The following AP1S3 variants were observed in gnomAD, a reference collection of about 807,000 sequenced individuals.
AP1S3 encodes the protein AP-1 complex subunit sigma-3.
A neutral mutation model predicts 20.9 loss-of-function variants in AP1S3; 10 were observed. The observed-to-expected ratio is 0.48, with a 90% CI of 0.29 to 0.81. The LOEUF is 0.81. Among genes scored for constraint, AP1S3 ranks in the 30% least tolerant of loss-of-function variants. AP1S3 has a pLI of 0.08. For synonymous variants in AP1S3, 41 were observed against 61.5 expected (o/e 0.67, Z 1.56); for missense variants, 154 against 183.8 (o/e 0.84, Z 0.94).
chr2:223,777,656 A>T, intron 2 of AP1S3, 35 bp downstream of exon 2: 6 of 1,588,808 alleles, frequency 3.8e-6, no homozygotes, highest in Non-Finnish European at 5.1e-6. Context: ...CCAAAGTAAG[A>T]CTGAGAAATT....
chr2:223,777,918 G>A (rs935517707), intron 1 of AP1S3, 49 bp from the exon 2 acceptor site: 1 of 1,523,488 alleles, frequency 6.6e-7, no homozygotes, highest in Admixed American at 1.9e-5. Context: ...AAGTCACTCT[G>A]CCGTTCTGCA....
At chr2:223,791,433 C>G (rs1691215283) in intron 1 of AP1S3, among the ~76,000 whole-genome samples, 1 of 152,058 alleles carries the variant, frequency 6.6e-6, no homozygotes, top group Non-Finnish European at 1.5e-5. Context: ...AGACAAAAAC[C>G]ACATGATTAT....
intron 1 of AP1S3, among the ~76,000 whole-genome samples, chr2:223,834,826 CCAATAA>C (rs1388482853): frequency 6.6e-6 from 1 of 151,648 alleles, no homozygotes; most frequent in Non-Finnish European, 1.5e-5. Context: ...ATTTTTATGA[CCAATAA>C]CAATATTTTT....
intron 1 of AP1S3, among the ~76,000 whole-genome samples, chr2:223,809,055 A>G (rs987495676): frequency 3.3e-5 from 5 of 152,234 alleles, no homozygotes; most frequent in Admixed American, 6.5e-5. Context: ...TAAGAACATT[A>G]TAACAATTTC....
At chr2:223,765,451 C>A in intron 3 of AP1S3, 101 bp from the exon 4 acceptor site, 12 of 1,251,678 alleles carry the variant, frequency 9.6e-6, no homozygotes, top group South Asian at 5.1e-5. Context: ...ATGTGGCGTA[C>A]CAAAAATAAA....
chr2:223,783,765 T>C (rs1223147593), intron 1 of AP1S3, among the ~76,000 whole-genome samples: 1 of 152,200 alleles, frequency 6.6e-6, no homozygotes, highest in African/African-American at 2.4e-5. Flanking sequence ...GTCCCCAGTA[T>C]TGTCACATTC....
intron 1 of AP1S3, among the ~76,000 whole-genome samples, chr2:223,808,043 CCA>C: frequency 6.6e-6 from 1 of 151,892 alleles, no homozygotes; most frequent in Non-Finnish European, 1.5e-5. Context: ...GCACAGATCA[CCA>C]CGCCCAGCTA....
At chr2:223,827,726 G>GAA (rs573357588) in intron 1 of AP1S3, among the ~76,000 whole-genome samples, 1 of 146,018 alleles carries the variant, frequency 6.8e-6, no homozygotes, top group Non-Finnish European at 1.5e-5. Context: ...TTTCTCAGAG[G>GAA]AAAAAAAAAA....
intron 1 of AP1S3, among the ~76,000 whole-genome samples, chr2:223,835,870 A>G (rs180972746): frequency 6.6e-6 from 1 of 152,264 alleles, no homozygotes; most frequent in East Asian, 1.9e-4. Context: ...TGACTCAGAA[A>G]CGCAGGGCCT....
At chr2:223,759,955 T>C (rs1400831767) in intron 4 of AP1S3, among the ~76,000 whole-genome samples, 1 of 152,186 alleles carries the variant, frequency 6.6e-6, no homozygotes, top group Non-Finnish European at 1.5e-5. Context: ...GATCTCATTC[T>C]TTTCATACTG....
At chr2:223,815,417 G>GC (rs146527706) in intron 1 of AP1S3, among the ~76,000 whole-genome samples, 48,965 of 151,982 alleles carry the variant, frequency 0.32, 8,312 homozygotes, top group Middle Eastern at 0.43. Context: ...ATTCCAGTCA[G>GC]CCCTAAGTAA....
At chr2:223,802,293 T>C (rs1418315303) in intron 1 of AP1S3, among the ~76,000 whole-genome samples, 1 of 145,478 alleles carries the variant, frequency 6.9e-6, no homozygotes, top group African/African-American at 2.6e-5. Flanking sequence ...TAAGAAAGCA[T>C]CCAGTTTTAT....
intron 1 of AP1S3, among the ~76,000 whole-genome samples, chr2:223,811,342 C>T (rs1288382524): frequency 6.6e-6 from 1 of 152,046 alleles, no homozygotes; most frequent in Non-Finnish European, 1.5e-5. Flanking sequence ...CTGAGGTGGG[C>T]AGATCACCTG....
intron 3 of AP1S3, among the ~76,000 whole-genome samples, chr2:223,774,259 G>A (rs180822484): frequency 0.012 from 1,872 of 152,218 alleles, 10 homozygotes; most frequent in South Asian, 0.037. Flanking sequence ...TAGCTACTCA[G>A]GAGGCTGAGG....
chr2:223,795,581 GC>G (rs1306361483), intron 1 of AP1S3, among the ~76,000 whole-genome samples: 1 of 109,960 alleles, frequency 9.1e-6, no homozygotes, highest in African/African-American at 4.3e-5. Context: ...TTATCACTAG[GC>G]CAGGCAGAAG....
At chr2:223,790,049 C>T (rs1261640939) in intron 1 of AP1S3, among the ~76,000 whole-genome samples, 1 of 152,036 alleles carries the variant, frequency 6.6e-6, no homozygotes, top group Non-Finnish European at 1.5e-5. Flanking sequence ...AACTTCAGAA[C>T]AACCAGGACA....
At position 223,815,867 on chromosome 2, in the gene AP1S3, C is replaced by T. The variant is rs1562300; in HGVS notation, c.3+21581G>A. Among the ~76,000 whole-genome samples, 1,070 of 152,226 alleles carry T rather than the reference C, an allele frequency of 7.0e-3. 12 individuals carry two copies. Among genetic ancestry groups the T allele is most frequent in the African/African-American group, 0.025 (1,033 of 41,538 alleles). On this transcript the variant is annotated intron_variant, in intron 1 of 4. Coordinates refer to ENST00000396654, the MANE Select transcript of AP1S3 (RefSeq NM_001039569.2). ...GCTCAGGTCTCTAATACTAGCACTA[C>T]GGGAGGCTAAGGGAGGAAGACAGCT...
intron 1 of AP1S3, among the ~76,000 whole-genome samples, chr2:223,828,732 T>C (rs1574733370): frequency 6.6e-6 from 1 of 152,186 alleles, no homozygotes; most frequent in South Asian, 2.1e-4. Context: ...GGACACAGGG[T>C]CATTACATGG....
chr2:223,770,525 C>T (rs1167752097), intron 3 of AP1S3, among the ~76,000 whole-genome samples: 1 of 151,542 alleles, frequency 6.6e-6, no homozygotes, highest in Non-Finnish European at 1.5e-5. Context: ...CACACACACA[C>T]ACACACCCCT....
Sources: gnomAD v4.1 joint callset for allele counts (sites outside exome capture counted in the v4.1 genomes callset) on GRCh38, gnomAD v4.1.1 for gene constraint, MANE v1.5 for transcripts, NCBI Gene and HGNC (gene_info 2026-07-23, HGNC 2026-07-21) for gene names.